Variants in GRID2 observed in about 807,000 individuals in gnomAD.
GRID2 encodes the protein glutamate ionotropic receptor delta type subunit 2.
A neutral mutation model predicts 114.8 loss-of-function variants in GRID2; 33 were observed. The ratio of observed to expected loss-of-function variants is 0.29; its 90% CI spans 0.22 to 0.38. The LOEUF (loss-of-function observed/expected upper bound fraction) is 0.38, where lower values mean the gene tolerates loss of function less well. GRID2 is among the 10% of genes least tolerant of loss of function. The pLI is 1.00. For synonymous variants in GRID2, 505 were observed against 449.9 expected, an observed-to-expected ratio of 1.12 and a Z score of -1.55; for missense variants, 1,184 against 1,257.7, an observed-to-expected ratio of 0.94 and a Z score of 0.89.
chr4:93,039,861 T>G (rs1725324806), intron 2 of GRID2, among the ~76,000 whole-genome samples: 2 of 152,158 alleles, frequency 1.3e-5, no homozygotes, highest in African/African-American at 4.8e-5. Flanking sequence ...CACATGTAAG[T>G]GCTCAATTAA....
At chr4:92,926,262 A>T (rs1371203348) in intron 2 of GRID2, among the ~76,000 whole-genome samples, 2 of 151,976 alleles carry the variant, frequency 1.3e-5, no homozygotes, top group South Asian at 4.1e-4. Flanking sequence ...GTTAATGAAT[A>T]TTTTGAAGAT....
chr4:92,806,145 T>TATAGC (rs1462914132), intron 2 of GRID2, among the ~76,000 whole-genome samples: 10 of 150,136 alleles, frequency 6.7e-5, no homozygotes, highest in African/African-American at 2.2e-4. Context: ...CTATGTCAAA[T>TATAGC]CTATTAGAAA....
chr4:93,495,192 G>C (rs1727407084), intron 12 of GRID2, among the ~76,000 whole-genome samples: 1 of 151,664 alleles, frequency 6.6e-6, no homozygotes, highest in African/African-American at 2.4e-5. Flanking sequence ...ACAAAATATT[G>C]AGTTAATTCT....
At chr4:93,131,840 G>GT (rs1165343613) in intron 4 of GRID2, among the ~76,000 whole-genome samples, 4 of 152,020 alleles carry the variant, frequency 2.6e-5, no homozygotes, top group Non-Finnish European at 4.4e-5. Flanking sequence ...AAATGGATCT[G>GT]TTTTTTCTTT....
At chr4:92,458,706 A>G (rs1325995407) in intron 1 of GRID2, among the ~76,000 whole-genome samples, 1 of 152,074 alleles carries the variant, frequency 6.6e-6, no homozygotes, top group Non-Finnish European at 1.5e-5. Context: ...GATAATTGTC[A>G]TTTTTCTTAT....
chr4:93,317,006 G>A (rs1756728947), intron 8 of GRID2, among the ~76,000 whole-genome samples: 1 of 152,146 alleles, frequency 6.6e-6, no homozygotes, highest in Non-Finnish European at 1.5e-5. Context: ...GGTATGAGAA[G>A]TCTAAAGCTC....
intron 1 of GRID2, among the ~76,000 whole-genome samples, chr4:92,454,559 A>G (rs1184608491): frequency 6.6e-6 from 1 of 152,174 alleles, no homozygotes. Flanking sequence ...TCAAATCTGC[A>G]TCCCTGGTGG....
At chr4:93,741,184 T>TATATATAC (rs1731364451) in intron 14 of GRID2, among the ~76,000 whole-genome samples, 1 of 33,376 alleles carries the variant, frequency 3.0e-5, no homozygotes, top group African/African-American at 9.6e-5. Context: ...CATATATATA[T>TATATATAC]ATATATATAT....
At chr4:92,336,951 G>GT (rs1474706431) in intron 1 of GRID2, among the ~76,000 whole-genome samples, 355 of 16,394 alleles carry the variant, frequency 0.022, 5 homozygotes, top group African/African-American at 0.039. Flanking sequence ...GTCTTTCGTT[G>GT]TTGTTTTTTT....
chr4:93,133,957 A>G (rs951252501), intron 4 of GRID2, among the ~76,000 whole-genome samples: 1 of 152,214 alleles, frequency 6.6e-6, no homozygotes, highest in Non-Finnish European at 1.5e-5. Flanking sequence ...TCACATAGCA[A>G]CTGAAAAAGA....
At chr4:93,143,780 A>T (rs1418319444) in intron 4 of GRID2, among the ~76,000 whole-genome samples, 2 of 152,186 alleles carry the variant, frequency 1.3e-5, no homozygotes, top group African/African-American at 4.8e-5. Flanking sequence ...TTTTCAGAGG[A>T]TTATTCTAAC....
At chr4:92,709,627 C>T (rs1303216511) in intron 2 of GRID2, among the ~76,000 whole-genome samples, 1 of 144,196 alleles carries the variant, frequency 6.9e-6, no homozygotes, top group East Asian at 2.0e-4. Context: ...GATCATTCTC[C>T]ATATATTTGC....
intron 1 of GRID2, among the ~76,000 whole-genome samples, chr4:92,453,550 C>T (rs532747550): frequency 2.6e-5 from 4 of 151,986 alleles, no homozygotes; most frequent in African/African-American, 4.8e-5. Flanking sequence ...GAAACATATT[C>T]GTTGTGTTAC....
At chr4:93,175,928 A>G (rs148454414) in intron 4 of GRID2, among the ~76,000 whole-genome samples, 1 of 152,188 alleles carries the variant, frequency 6.6e-6, no homozygotes, top group Admixed American at 6.5e-5. Flanking sequence ...CAGAATCTGC[A>G]TTAGGAGTGG....
At chr4:92,462,796 A>G (rs373498336) in intron 1 of GRID2, among the ~76,000 whole-genome samples, 120 of 152,136 alleles carry the variant, frequency 7.9e-4, no homozygotes, top group African/African-American at 2.6e-3. Context: ...AAGAAAACCA[A>G]TGAGACTTGT....
intron 2 of GRID2, among the ~76,000 whole-genome samples, chr4:92,592,012 T>A (rs2149212352): frequency 6.6e-6 from 1 of 152,142 alleles, no homozygotes; most frequent in South Asian, 2.1e-4. Context: ...TAAATATTAA[T>A]AAATTTTCTA....
intron 1 of GRID2, among the ~76,000 whole-genome samples, chr4:92,330,745 A>G (rs1249851691): frequency 6.6e-6 from 1 of 151,966 alleles, no homozygotes; most frequent in Non-Finnish European, 1.5e-5. Flanking sequence ...TAAAATATAT[A>G]TATAATCATA....
intron 7 of GRID2, among the ~76,000 whole-genome samples, chr4:93,227,907 C>T (rs1745684952): frequency 6.6e-6 from 1 of 152,174 alleles, no homozygotes; most frequent in African/African-American, 2.4e-5. Context: ...GTATTCTGGT[C>T]ACAACAAATT....
chr4:92,595,319 A>T (rs1728896541), intron 2 of GRID2, among the ~76,000 whole-genome samples: 2 of 151,996 alleles, frequency 1.3e-5, no homozygotes, highest in Non-Finnish European at 2.9e-5. Context: ...AAAAATTTGA[A>T]TCAATATCTC....
Sources: gnomAD v4.1 joint callset for allele counts (sites outside exome capture counted in the v4.1 genomes callset) on GRCh38, gnomAD v4.1.1 for gene constraint, MANE v1.5 for transcripts, NCBI Gene and HGNC (gene_info 2026-07-23, HGNC 2026-07-21) for gene names.